Variants in TNNI3K observed in about 807,000 individuals in gnomAD.
TNNI3K encodes the protein serine/threonine-protein kinase TNNI3K.
In TNNI3K, 140 loss-of-function variants were observed where a neutral mutation model predicts 114.5. The ratio of observed to expected loss-of-function variants is 1.22; its 90% CI spans 1.07 to 1.41. The LOEUF (loss-of-function observed/expected upper bound fraction) is 1.41. Ranked by LOEUF, TNNI3K falls within the 40% of genes most tolerant of loss-of-function variation. The probability of loss-of-function intolerance (pLI) is 0.00; values close to 1 mark genes in which losing one functional copy is unlikely to be tolerated. For synonymous variants in TNNI3K, 347 were observed against 347.5 expected, an observed-to-expected ratio of 1.00 and a Z score of 0.02; for missense variants, 1,125 against 1,007.6, an observed-to-expected ratio of 1.12 and a Z score of -1.58.
At chr1:74,436,244 T>A in intron 18 of TNNI3K, 112 bp downstream of exon 18, 2 of 1,367,766 alleles carry the variant, frequency 1.5e-6, no homozygotes, top group Non-Finnish European at 2.0e-6. Flanking sequence ...TATACTACAC[T>A]GAACACTGAC....
intron 5 of TNNI3K, among the ~76,000 whole-genome samples, chr1:74,298,908 G>A (rs45437092): frequency 0.022 from 3,310 of 152,180 alleles, 76 homozygotes; most frequent in South Asian, 0.11. Flanking sequence ...TAAGATACCA[G>A]TTGGCAGATT....
In TNNI3K at chr1:74,420,682, A is replaced by G. The variant is rs547650480; in HGVS notation, c.1773-15398A>G. Among the ~76,000 whole-genome samples, 21 of 152,260 alleles carry G rather than the reference A, an allele frequency of 1.4e-4. No homozygotes were observed. The South Asian group carries it at 3.9e-3, about 29-fold the overall frequency. On this transcript the variant is annotated intron_variant, in intron 17 of 24. Transcript: ENST00000326637. ...CTTCCACTCAAGCCATAACAAGGCA[A>G]CGTTGACATTAAGATGCAATGTTCC...
intron 21 of TNNI3K, among the ~76,000 whole-genome samples, chr1:74,479,082 A>C (rs956812956): frequency 6.6e-6 from 1 of 152,186 alleles, no homozygotes; most frequent in Non-Finnish European, 1.5e-5. Context: ...ACTGTTACAG[A>C]ATAATGATTT....
intron 2 of TNNI3K, among the ~76,000 whole-genome samples, chr1:74,243,278 T>G (rs1243100793): frequency 6.6e-6 from 1 of 152,204 alleles, no homozygotes; most frequent in Non-Finnish European, 1.5e-5. Flanking sequence ...TTTCTGGATA[T>G]TTCTTGGAGA....
intron 5 of TNNI3K, among the ~76,000 whole-genome samples, chr1:74,311,652 A>T (rs1167402381): frequency 6.6e-6 from 1 of 152,164 alleles, no homozygotes; most frequent in African/African-American, 2.4e-5. Flanking sequence ...AATGTCTGTT[A>T]TCTGGTCCGA....
In TNNI3K at chr1:74,544,235, T is replaced by G; in HGVS notation, c.*253T>G. On this transcript the variant is annotated 3_prime_UTR_variant, in exon 25 of 25. Transcript: ENST00000326637. ...TTAATTTTGTAAATTAAAAAAAAAT[T>G]TAGATCGTTACTTGGAAATGGAGCC... 2 of 397,842 alleles carry G rather than the reference T, an allele frequency of 5.0e-6. No individual in the cohort carries two copies. Among genetic ancestry groups the G allele is most frequent in the Non-Finnish European group, 8.8e-6 (2 of 227,616 alleles). 24.6% of individuals were successfully genotyped at this position (397,842 alleles called of 1,614,324 possible). A position where few individuals can be genotyped will look rare whatever the true frequency, so the allele number is the denominator to read the frequency against.
intron 5 of TNNI3K, among the ~76,000 whole-genome samples, chr1:74,321,276 T>C (rs1263603550): frequency 1.3e-5 from 2 of 152,118 alleles, no homozygotes; most frequent in East Asian, 3.9e-4. Flanking sequence ...ACACAGAAAA[T>C]CTGCCTTTCT....
At chr1:74,486,569 G>A (rs1668780643) in intron 21 of TNNI3K, among the ~76,000 whole-genome samples, 2 of 150,558 alleles carry the variant, frequency 1.3e-5, no homozygotes, top group South Asian at 2.1e-4. Flanking sequence ...AATGGGAAAG[G>A]CTATAAATAT....
intron 17 of TNNI3K, among the ~76,000 whole-genome samples, chr1:74,435,276 CT>C (rs1666071683): frequency 6.6e-6 from 1 of 151,976 alleles, no homozygotes; most frequent in African/African-American, 2.4e-5. Flanking sequence ...AAAGGACACT[CT>C]TTTTTCTGCC....
intron 23 of TNNI3K, among the ~76,000 whole-genome samples, chr1:74,496,310 C>G (rs1669323232): frequency 6.6e-6 from 1 of 152,172 alleles, no homozygotes; most frequent in Non-Finnish European, 1.5e-5. Flanking sequence ...TTATTACGTG[C>G]ATCATCCCTG....
chr1:74,379,614 T>C (rs1663094361), intron 17 of TNNI3K, among the ~76,000 whole-genome samples: 1 of 152,054 alleles, frequency 6.6e-6, no homozygotes, highest in Non-Finnish European at 1.5e-5. Context: ...AAACAGTGAG[T>C]TCTCTCTGAC....
chr1:74,287,908 A>G (rs1464590372), intron 5 of TNNI3K, among the ~76,000 whole-genome samples: 1 of 152,158 alleles, frequency 6.6e-6, no homozygotes, highest in Non-Finnish European at 1.5e-5. Flanking sequence ...AAATATTCCA[A>G]TCTAAAAATG....
chr1:74,450,837 G>A (rs1666959016), intron 20 of TNNI3K, among the ~76,000 whole-genome samples: 1 of 152,132 alleles, frequency 6.6e-6, no homozygotes, highest in African/African-American at 2.4e-5. Flanking sequence ...AAGACAATGT[G>A]GTGATTCCTC....
chr1:74,238,775 A>G (rs927975836), intron 2 of TNNI3K, among the ~76,000 whole-genome samples: 2 of 152,062 alleles, frequency 1.3e-5, no homozygotes, highest in Non-Finnish European at 2.9e-5. Flanking sequence ...TAAAGAAGCT[A>G]CAGAATGTGA....
intron 17 of TNNI3K, among the ~76,000 whole-genome samples, chr1:74,385,024 C>T (rs1663402047): frequency 6.6e-6 from 1 of 152,118 alleles, no homozygotes; most frequent in South Asian, 2.1e-4. Flanking sequence ...TTTCACTTCT[C>T]AGCTACTCCT....
At chr1:74,301,381 C>G (rs551586682) in intron 5 of TNNI3K, among the ~76,000 whole-genome samples, 1 of 151,906 alleles carries the variant, frequency 6.6e-6, no homozygotes, top group East Asian at 1.9e-4. Context: ...GCCTAGGCAA[C>G]AGAGCAAGAC....
intron 9 of TNNI3K, among the ~76,000 whole-genome samples, chr1:74,350,365 G>T (rs906902389): frequency 1.3e-5 from 2 of 152,168 alleles, no homozygotes; most frequent in Non-Finnish European, 2.9e-5. Context: ...TTTTACATTT[G>T]CTGAGGACTG....
intron 23 of TNNI3K, among the ~76,000 whole-genome samples, chr1:74,496,909 A>G (rs1669355247): frequency 6.6e-6 from 1 of 152,148 alleles, no homozygotes; most frequent in Non-Finnish European, 1.5e-5. Context: ...AGATGTGAAA[A>G]CCAATTAGTG....
chr1:74,460,144 C>T (rs921885054), intron 20 of TNNI3K, among the ~76,000 whole-genome samples: 3 of 151,412 alleles, frequency 2.0e-5, no homozygotes, highest in African/African-American at 4.9e-5. Flanking sequence ...GGCACGATCT[C>T]GACTCACTGC....
Sources: allele counts gnomAD v4.1 joint callset (sites outside exome capture counted in the v4.1 genomes callset), GRCh38; gene constraint gnomAD v4.1.1; transcripts MANE v1.5; gene names NCBI Gene and HGNC (gene_info 2026-07-23, HGNC 2026-07-21).